Variants in SIPA1L1 observed in about 807,000 individuals in gnomAD.
SIPA1L1 encodes signal-induced proliferation-associated 1-like protein 1.
SIPA1L1 carries 26 observed loss-of-function variants against 162.7 expected under a neutral mutation model. The observed-to-expected ratio is 0.16, with a 90% CI of 0.12 to 0.22. The LOEUF is 0.22. Ranked by LOEUF, SIPA1L1 falls within the 10% of genes least tolerant of loss-of-function variation. The pLI is 1.00. For synonymous variants in SIPA1L1, 829 were observed against 837.4 expected, an observed-to-expected ratio of 0.99 and a Z score of 0.17; for missense variants, 1,874 against 2,241.0, an observed-to-expected ratio of 0.84 and a Z score of 3.31.
rs558291100 is a variant in SIPA1L1, at chr14:71,420,409, A to G, written c.-464-92334A>G. Among the ~76,000 whole-genome samples, 8 of 152,274 alleles carry G rather than the reference A, an allele frequency of 5.3e-5. No individual in the cohort carries two copies. The East Asian group carries it at 1.5e-3, about 29-fold the overall frequency. On this transcript the variant is annotated intron_variant, in intron 2 of 23. Transcript: ENST00000381232. ...CATCTGACTGTCTGTCTGCCTATCT[A>G]CCCATCTATCTGTCTACTAAAGGAG...
intron 2 of SIPA1L1, among the ~76,000 whole-genome samples, chr14:71,403,891 A>G (rs2041856202): frequency 6.6e-6 from 1 of 152,014 alleles, no homozygotes; most frequent in African/African-American, 2.4e-5. Flanking sequence ...TTCCTCCTGT[A>G]GGCCACCTGG....
At chr14:71,435,537 G>A (rs1008613666) in intron 2 of SIPA1L1, among the ~76,000 whole-genome samples, 1 of 152,194 alleles carries the variant, frequency 6.6e-6, no homozygotes, top group Non-Finnish European at 1.5e-5. Context: ...AGTATTCCAT[G>A]ATGTATATGT....
chr14:71,692,061 T>A (rs1256336712), intron 13 of SIPA1L1, among the ~76,000 whole-genome samples: 1 of 152,236 alleles, frequency 6.6e-6, no homozygotes, highest in Non-Finnish European at 1.5e-5. Context: ...CACATGGTAG[T>A]CCAGCTTTCC....
intron 2 of SIPA1L1, among the ~76,000 whole-genome samples, chr14:71,426,486 CTTT>C (rs370856446): frequency 3.0e-5 from 4 of 132,000 alleles, no homozygotes; most frequent in African/African-American, 8.4e-5. Flanking sequence ...GAATTTCTTT[CTTT>C]TTTTTTTTTT....
At chr14:71,564,016 C>T (rs1312677923) in intron 4 of SIPA1L1, among the ~76,000 whole-genome samples, 1 of 151,964 alleles carries the variant, frequency 6.6e-6, no homozygotes, top group African/African-American at 2.4e-5. Context: ...GGCACGAACA[C>T]AGCTCACTGC....
intron 7 of SIPA1L1, among the ~76,000 whole-genome samples, chr14:71,645,207 T>C (rs2042055194): frequency 6.6e-6 from 1 of 152,242 alleles, no homozygotes; most frequent in Non-Finnish European, 1.5e-5. Flanking sequence ...CTTTTTCTGA[T>C]GATCATCTTG....
chr14:71,486,990 C>T (rs1184723012), intron 2 of SIPA1L1, among the ~76,000 whole-genome samples: 1 of 152,164 alleles, frequency 6.6e-6, no homozygotes, highest in Non-Finnish European at 1.5e-5. Flanking sequence ...AAAGCTCTCT[C>T]CCTAGCATGT....
rs553323451 is a variant in SIPA1L1 at position 71,566,580 on chromosome 14, C to T, written c.-302-20991C>T. On this transcript the variant is annotated intron_variant, in intron 4 of 23. Coordinates refer to ENST00000381232, the MANE Select transcript of SIPA1L1 (RefSeq NM_001386936.1). ...CCACAAAAAGAGACCTCCACATGCA[C>T]GGGAACTTGTTTTTGACATTGTATA... Among the ~76,000 whole-genome samples, 7 of 152,236 alleles carry T rather than the reference C, an allele frequency of 4.6e-5. No individual in the cohort carries two copies. The South Asian group carries it at 8.3e-4, about 18-fold the overall frequency.
At chr14:71,679,937 T>C (rs2045629383) in intron 12 of SIPA1L1, among the ~76,000 whole-genome samples, 4 of 152,112 alleles carry the variant, frequency 2.6e-5, no homozygotes, top group Admixed American at 1.3e-4. Context: ...ATAAAGCAAG[T>C]CCTTAGAGAC....
chr14:71,347,806 T>C (rs1200892952), intron 2 of SIPA1L1, among the ~76,000 whole-genome samples: 1 of 152,248 alleles, frequency 6.6e-6, no homozygotes, highest in Non-Finnish European at 1.5e-5. Flanking sequence ...GAGAAATGTC[T>C]GTTTACATTT....
intron 12 of SIPA1L1, among the ~76,000 whole-genome samples, chr14:71,674,940 A>G (rs989090765): frequency 1.3e-5 from 2 of 152,210 alleles, no homozygotes; most frequent in Non-Finnish European, 2.9e-5. Context: ...TAGGTCTAAC[A>G]TCAGAGTCCA....
chr14:71,539,360 C>CTT (rs1381845335), intron 4 of SIPA1L1, among the ~76,000 whole-genome samples: 1 of 152,182 alleles, frequency 6.6e-6, no homozygotes, highest in Non-Finnish European at 1.5e-5. Flanking sequence ...GAAATGGCTG[C>CTT]TTTTGACAAT....
chr14:71,559,907 T>A (rs1404035200), intron 4 of SIPA1L1, among the ~76,000 whole-genome samples: 4 of 152,154 alleles, frequency 2.6e-5, no homozygotes. Context: ...CCTTGAATAA[T>A]CATTGAAAAA....
At chr14:71,573,556 C>T (rs2032477740) in intron 4 of SIPA1L1, 1 of 456,562 alleles carries the variant, frequency 2.2e-6, no homozygotes, top group Admixed American at 2.3e-5. Context: ...GAAGGGCAAA[C>T]CAGCAGAGCT....
chr14:71,608,962 G>A (rs989808886), intron 5 of SIPA1L1, among the ~76,000 whole-genome samples: 2 of 152,008 alleles, frequency 1.3e-5, no homozygotes, highest in African/African-American at 4.8e-5. Context: ...TATCATTATA[G>A]AAAAAATAGA....
chr14:71,709,009 A>T (rs879638608), intron 16 of SIPA1L1, among the ~76,000 whole-genome samples: 206 of 149,244 alleles, frequency 1.4e-3, no homozygotes, highest in Non-Finnish European at 2.5e-3. Flanking sequence ...AAATAGATTA[A>T]AAAAAAAAAA....
chr14:71,693,381 C>T (rs1275911236), intron 13 of SIPA1L1, among the ~76,000 whole-genome samples: 1 of 152,086 alleles, frequency 6.6e-6, no homozygotes, highest in African/African-American at 2.4e-5. Flanking sequence ...TGCCTGTAAT[C>T]CCAGCTACAC....
chr14:71,468,002 A>AGG (rs1201287438), intron 2 of SIPA1L1, among the ~76,000 whole-genome samples: 21 of 128,876 alleles, frequency 1.6e-4, no homozygotes, highest in Admixed American at 3.3e-4. Context: ...AAGCAGTTAG[A>AGG]GGGGTGTGTG....
intron 17 of SIPA1L1, among the ~76,000 whole-genome samples, chr14:71,710,190 T>C (rs2082761703): frequency 6.6e-6 from 1 of 152,158 alleles, no homozygotes; most frequent in Admixed American, 6.5e-5. Flanking sequence ...CAGCAATGGG[T>C]TGAGAGTGGG....
Sources: allele counts gnomAD v4.1 joint callset (sites outside exome capture counted in the v4.1 genomes callset), GRCh38; gene constraint gnomAD v4.1.1; transcripts MANE v1.5; gene names NCBI Gene and HGNC (gene_info 2026-07-23, HGNC 2026-07-21).